RANBP2: variants seen among roughly 807,000 people sequenced by gnomAD.
The protein encoded by RANBP2 is E3 SUMO-protein ligase RanBP2.
Under a neutral mutation model 303.6 loss-of-function variants are expected in RANBP2, and 57 were observed. The ratio of observed to expected loss-of-function variants is 0.19; its 90% CI spans 0.15 to 0.23. The LOEUF (loss-of-function observed/expected upper bound fraction) is 0.23. Among genes scored for constraint, RANBP2 ranks in the 10% least tolerant of loss-of-function variants. The pLI, the probability that RANBP2 is intolerant of heterozygous loss-of-function variation, is 1.00. For synonymous variants in RANBP2, 1,167 were observed against 1,301.5 expected (o/e 0.90, Z 2.23); for missense variants, 3,138 against 3,780.8 (o/e 0.83, Z 4.46).
the RANBP2 span, among the ~76,000 whole-genome samples, chr2:108,799,187 T>C: frequency 2.6e-5 from 4 of 152,206 alleles, no homozygotes; most frequent in African/African-American, 7.2e-5. Context: ...AGCATTCTTA[T>C]ATGTCACATT....
the RANBP2 span, among the ~76,000 whole-genome samples, chr2:109,645,671 G>A: frequency 6.6e-6 from 1 of 152,126 alleles, no homozygotes; most frequent in African/African-American, 2.4e-5. Context: ...TGGAATTCCC[G>A]ACCCTTCACT....
At chr2:109,103,117 T>A in the RANBP2 span, among the ~76,000 whole-genome samples, 1 of 152,158 alleles carries the variant, frequency 6.6e-6, no homozygotes, top group Non-Finnish European at 1.5e-5. Flanking sequence ...AGCTGTCTGC[T>A]CCCTGGCTGA....
chr2:109,373,718 A>G, the RANBP2 span, among the ~76,000 whole-genome samples: 39 of 152,278 alleles, frequency 2.6e-4, no homozygotes, highest in African/African-American at 9.4e-4. Context: ...AGAGCTGCAC[A>G]GATTATGCTG....
chr2:108,975,474 C>G, the RANBP2 span, among the ~76,000 whole-genome samples: 2 of 152,156 alleles, frequency 1.3e-5, no homozygotes, highest in Non-Finnish European at 2.9e-5. Flanking sequence ...CTACTTTAAC[C>G]TGGGACCCTA....
the RANBP2 span, among the ~76,000 whole-genome samples, chr2:109,562,058 CA>C: frequency 1.3e-5 from 2 of 151,632 alleles, no homozygotes; most frequent in African/African-American, 2.4e-5. Context: ...TACAAAAACA[CA>C]AAAATTAGCT....
At chr2:108,893,203 C>CTTT in the RANBP2 span, among the ~76,000 whole-genome samples, 1 of 51,574 alleles carries the variant, frequency 1.9e-5, no homozygotes, top group South Asian at 1.1e-3. Context: ...TTATATTTTC[C>CTTT]TTTTTTAAAC....
At chr2:109,549,182 C>A in the RANBP2 span, among the ~76,000 whole-genome samples, 2 of 152,284 alleles carry the variant, frequency 1.3e-5, no homozygotes, top group African/African-American at 2.4e-5. Context: ...GTTCTCTGCA[C>A]ACGTGTGCAT....
chr2:108,955,356 A>G, the RANBP2 span, among the ~76,000 whole-genome samples: 1 of 152,278 alleles, frequency 6.6e-6, no homozygotes, highest in African/African-American at 2.4e-5. Flanking sequence ...GAATTGTAAA[A>G]TAAAAGAAAA....
chr2:109,621,747 A>G, the RANBP2 span, among the ~76,000 whole-genome samples: 8 of 152,026 alleles, frequency 5.3e-5, no homozygotes, highest in African/African-American at 1.9e-4. Flanking sequence ...CCCCATCTCT[A>G]CTAAAAATAC....
At chr2:108,754,765 CTT>C (rs1676166280) in intron 15 of RANBP2, 138 bp from the exon 16 acceptor site, 1 of 1,239,062 alleles carries the variant, frequency 8.1e-7, no homozygotes, top group Non-Finnish European at 1.1e-6. Context: ...TTAAAAAACA[CTT>C]TCACGTGTAT....
chr2:109,050,046 A>C, the RANBP2 span, among the ~76,000 whole-genome samples: 1 of 152,116 alleles, frequency 6.6e-6, no homozygotes, highest in Non-Finnish European at 1.5e-5. Context: ...CTAGCTTGCC[A>C]CTGTGTCTCT....
chr2:109,274,281 C>T, the RANBP2 span, among the ~76,000 whole-genome samples: 1 of 152,034 alleles, frequency 6.6e-6, no homozygotes, highest in Non-Finnish European at 1.5e-5. Context: ...AAGTGAATTC[C>T]TAGGTGTGTG....
the RANBP2 span, among the ~76,000 whole-genome samples, chr2:109,210,015 C>T: frequency 6.6e-6 from 1 of 152,200 alleles, no homozygotes; most frequent in African/African-American, 2.4e-5. Context: ...TACTTTCTGT[C>T]TCTGTGAATG....
chr2:109,267,092 T>G, the RANBP2 span, among the ~76,000 whole-genome samples: 1 of 152,164 alleles, frequency 6.6e-6, no homozygotes, highest in Non-Finnish European at 1.5e-5. Context: ...CCTGAATGCC[T>G]CTGGTCTCTG....
chr2:109,268,073 C>T, the RANBP2 span, among the ~76,000 whole-genome samples: 1 of 151,808 alleles, frequency 6.6e-6, no homozygotes, highest in Non-Finnish European at 1.5e-5. Flanking sequence ...CCCCTAATCC[C>T]ACCTGGAGCC....
At chr2:109,613,024 T>C in the RANBP2 span, 2 of 516,932 alleles carry the variant, frequency 3.9e-6, no homozygotes, top group East Asian at 6.8e-5. Flanking sequence ...AAACCACCAA[T>C]GTTTACTATC....
chr2:109,124,836 G>A, the RANBP2 span, among the ~76,000 whole-genome samples: 5 of 152,102 alleles, frequency 3.3e-5, no homozygotes, highest in African/African-American at 7.2e-5. Flanking sequence ...AACCCCACAC[G>A]GTGCAATGCC....
the RANBP2 span, among the ~76,000 whole-genome samples, chr2:109,367,060 C>T: frequency 1.3e-5 from 2 of 150,270 alleles, no homozygotes; most frequent in Non-Finnish European, 2.9e-5. Context: ...TCAAGAGATT[C>T]TCGTGCCTCA....
At chr2:108,822,403 A>G in the RANBP2 span, among the ~76,000 whole-genome samples, 2 of 152,216 alleles carry the variant, frequency 1.3e-5, no homozygotes, top group Non-Finnish European at 2.9e-5. Flanking sequence ...ACTAGACAGA[A>G]TATAAGTAAG....
Sources: allele counts gnomAD v4.1 joint callset (sites outside exome capture counted in the v4.1 genomes callset), GRCh38; gene constraint gnomAD v4.1.1; transcripts MANE v1.5; gene names NCBI Gene and HGNC (gene_info 2026-07-23, HGNC 2026-07-21).